The following SNX27 variants were observed in gnomAD, a reference collection of about 807,000 sequenced individuals.
SNX27 encodes the protein sorting nexin 27, also known as sorting nexin-27.
In SNX27, 22 loss-of-function variants were observed where a neutral mutation model predicts 71.6. The ratio of observed to expected loss-of-function variants is 0.31; its 90% CI spans 0.22 to 0.44. SNX27 has a LOEUF of 0.44. SNX27 is among the 20% of genes least tolerant of loss of function. SNX27 has a pLI of 1.00. For missense variants in SNX27, 531 were observed against 698.6 expected (o/e 0.76, Z 2.70); for synonymous variants, 269 against 277.2 (o/e 0.97, Z 0.29).
At chr1:151,649,978 C>T (rs564258490) in intron 2 of SNX27, among the ~76,000 whole-genome samples, 27 of 152,282 alleles carry the variant, frequency 1.8e-4, no homozygotes, top group Non-Finnish European at 3.1e-4. Flanking sequence ...ACCTCCACCT[C>T]CCAGGGTCAA....
intron 1 of SNX27, among the ~76,000 whole-genome samples, chr1:151,627,911 A>G (rs1398673953): frequency 1.3e-5 from 2 of 151,922 alleles, no homozygotes; most frequent in African/African-American, 4.8e-5. Flanking sequence ...CTGGAATGTC[A>G]TATAATTGGA....
rs563599315 is a variant in SNX27, at chr1:151,686,873, G to A, written c.1239+3428G>A. 9.8e-5 allele frequency among the ~76,000 whole-genome samples: 15 copies of A among 152,304 alleles called. No individual in the cohort carries two copies. In the South Asian group the frequency reaches 2.3e-3, roughly 23 times the overall value. On this transcript the variant is annotated intron_variant, in intron 8 of 11. Transcript: ENST00000458013. ...CTTTTCTGTAAAATGGGGATATTCCGATTATCAGCTATTAAGTAGAATCTT... is the reference window on the plus strand; with the variant it reads ...CTTTTCTGTAAAATGGGGATATTCCAATTATCAGCTATTAAGTAGAATCTT...
chr1:151,652,230 G>GGGAGAA (rs1558054295), intron 2 of SNX27, among the ~76,000 whole-genome samples: 1 of 120,962 alleles, frequency 8.3e-6, no homozygotes, highest in Admixed American at 8.6e-5. Flanking sequence ...GAGAGGGAGA[G>GGGAGAA]GGAGAGGGAG....
intron 7 of SNX27, 147 bp from the exon 8 acceptor site, chr1:151,683,209 T>C (rs1671045375): frequency 1.6e-6 from 1 of 622,962 alleles, no homozygotes; most frequent in Non-Finnish European, 2.9e-6. Context: ...ACCATATCCC[T>C]GGACATGTGG....
chr1:151,627,413 CTT>C (rs1456987110), intron 1 of SNX27, among the ~76,000 whole-genome samples: 1 of 152,214 alleles, frequency 6.6e-6, no homozygotes, highest in African/African-American at 2.4e-5. Context: ...CTTATGGACT[CTT>C]TTCCTTTACA....
At chr1:151,622,125 CA>C (rs1404497936) in intron 1 of SNX27, among the ~76,000 whole-genome samples, 2 of 152,182 alleles carry the variant, frequency 1.3e-5, no homozygotes, top group Non-Finnish European at 2.9e-5. Context: ...CTGTGTTTCT[CA>C]TTTCCAAAAT....
intron 1 of SNX27, chr1:151,613,117 G>T (rs1260089459): frequency 6.6e-6 from 1 of 152,234 alleles, no homozygotes; most frequent in Non-Finnish European, 1.5e-5. Flanking sequence ...TGGTTACGCT[G>T]CCCCTAAATT....
rs1671617714 is a variant in SNX27 at position 151,694,565 on chromosome 1, C to T, written c.*148C>T. ...CCCTAAACTAAATATTATTAATAAC[C>T]CCCTCTGAATTTCATGTCTCTGGAA... On this transcript the variant is annotated 3_prime_UTR_variant, in exon 12 of 12. Coordinates refer to ENST00000458013, the MANE Select transcript of SNX27 (RefSeq NM_001330723.2). 1 of 736,926 alleles carries T rather than the reference C, an allele frequency of 1.4e-6. No individual in the cohort carries two copies. Among genetic ancestry groups the T allele is most frequent in the South Asian group, 2.5e-5 (1 of 40,162 alleles). The allele number at this position is 736,926 out of a possible 1,614,324, so 45.6% of individuals were successfully genotyped here. A position where few individuals can be genotyped will look rare whatever the true frequency, so the allele number is the denominator to read the frequency against.
In SNX27 at chr1:151,612,361, G is replaced by A. The variant is rs1667215975; in HGVS notation, c.160G>A (p.Gly54Ser). ...VRIVKSESGY[G>S]FNVRGQVSEG... ...CATCGTCAAGTCCGAGTCCGGCTAC[G>A]GCTTCAACGTGCGGGGCCAAGTGAG... The change falls in exon 1 of 12, where the codon GGC becomes AGC. Residue 54 changes from glycine to serine, a missense_variant. Around this residue, in one of 5 missense-constraint regions of SNX27, gnomAD observed 130 missense variants for 143.5 expected, o/e 0.91. Transcript: ENST00000458013. The surrounding 1 kb of genome is among the most constrained non-coding windows in gnomAD (Gnocchi z 5.2). 2 of 1,549,582 alleles carry A rather than the reference G, an allele frequency of 1.3e-6. No individual in the cohort carries two copies. Among genetic ancestry groups the A allele is most frequent in the Admixed American group, 2.0e-5 (1 of 50,224 alleles).
intron 1 of SNX27, among the ~76,000 whole-genome samples, chr1:151,621,439 G>C (rs1050251454): frequency 2.6e-5 from 4 of 152,198 alleles, no homozygotes; most frequent in Non-Finnish European, 4.4e-5. Flanking sequence ...GAAATGGTCT[G>C]TTTTTGCTTA....
intron 11 of SNX27, 36 bp downstream of exon 11, chr1:151,693,519 C>G: frequency 6.2e-7 from 1 of 1,613,302 alleles, no homozygotes; most frequent in Non-Finnish European, 8.5e-7. Flanking sequence ...ACCTTTTCAT[C>G]TTTTTGTTTC....
chr1:151,670,263 G>GT (rs1205647409), intron 7 of SNX27, among the ~76,000 whole-genome samples: 1 of 152,152 alleles, frequency 6.6e-6, no homozygotes, highest in Non-Finnish European at 1.5e-5. Context: ...TCCATTGTGT[G>GT]TAAGTACCAC....
intron 7 of SNX27, chr1:151,680,034 T>C (rs1329796797): frequency 2.0e-5 from 3 of 152,148 alleles, no homozygotes; most frequent in African/African-American, 7.2e-5. Context: ...TTTAGTACTA[T>C]ATGTTTTGTT....
In SNX27 at chr1:151,687,596, A is replaced by C. The variant is rs1270855423; in HGVS notation, c.1239+4151A>C. ...TTTGGGAGAACAGAGAGTTCTCTGG[A>C]GTGGACCTTGACCCATTCACCTAAA... On this transcript the variant is annotated intron_variant, in intron 8 of 11. Coordinates refer to ENST00000458013, the MANE Select transcript of SNX27 (RefSeq NM_001330723.2). Among the ~76,000 whole-genome samples the C allele has an allele frequency of 3.3e-5, 5 of 152,216 alleles. No homozygotes were observed. The East Asian group carries it at 9.7e-4, about 29-fold the overall frequency.
intron 3 of SNX27, among the ~76,000 whole-genome samples, chr1:151,659,095 T>G (rs561983223): frequency 1.3e-5 from 2 of 152,220 alleles, no homozygotes; most frequent in Non-Finnish European, 2.9e-5. Context: ...TTAAAATGAT[T>G]CTTGGCTTAC....
At chr1:151,676,328 CAG>C (rs1225703206) in intron 7 of SNX27, 2 of 76,844 alleles carry the variant, frequency 2.6e-5, no homozygotes, top group Non-Finnish European at 4.6e-5. Context: ...TTTTTTGAGA[CAG>C]AGTCTGGCTC....
At chr1:151,618,505 A>G (rs1667530773) in intron 1 of SNX27, among the ~76,000 whole-genome samples, 1 of 152,226 alleles carries the variant, frequency 6.6e-6, no homozygotes. Flanking sequence ...TATTAGTAGC[A>G]TAACAATTTG....
At chr1:151,639,788 G>T (rs1199411444) in intron 2 of SNX27, among the ~76,000 whole-genome samples, 1 of 152,186 alleles carries the variant, frequency 6.6e-6, no homozygotes, top group Non-Finnish European at 1.5e-5. Flanking sequence ...GTTCTTCAGA[G>T]CCTAATTGCC....
intron 5 of SNX27, among the ~76,000 whole-genome samples, chr1:151,664,899 C>T (rs1670120007): frequency 6.6e-6 from 1 of 152,120 alleles, no homozygotes; most frequent in South Asian, 2.1e-4. Flanking sequence ...AGACTTCTAG[C>T]TATAAACTAT....
Sources: allele counts gnomAD v4.1 joint callset (sites outside exome capture counted in the v4.1 genomes callset), GRCh38; gene constraint gnomAD v4.1.1; regional missense constraint gnomAD v4.1.1; non-coding constraint Gnocchi (gnomAD v3.1); transcripts MANE v1.5; gene names NCBI Gene and HGNC (gene_info 2026-07-23, HGNC 2026-07-21).